Variants in IPP observed in about 807,000 individuals in gnomAD.
IPP encodes the protein intracisternal A particle-promoted polypeptide, also known as actin-binding protein IPP.
A neutral mutation model predicts 64.1 loss-of-function variants in IPP; 41 were observed. That is an observed-to-expected ratio of 0.64 (90% confidence interval 0.50 to 0.83). IPP has a LOEUF of 0.83. IPP is among the 40% of genes least tolerant of loss of function. IPP has a pLI of 0.00. For synonymous variants in IPP, 214 were observed against 235.2 expected (o/e 0.91, Z 0.83); for missense variants, 649 against 703.0 (o/e 0.92, Z 0.87).
At chr1:45,695,869 A>G (rs938414751), downstream of IPP, among the ~76,000 whole-genome samples, 1 of 152,148 alleles carries the variant, frequency 6.6e-6, no homozygotes, top group African/African-American at 2.4e-5. Context: ...GGGTTTCTCC[A>G]TGTTGGTCAG....
At chr1:45,733,691 G>T (rs1645940223) in intron 3 of IPP, among the ~76,000 whole-genome samples, 1 of 151,858 alleles carries the variant, frequency 6.6e-6, no homozygotes, top group South Asian at 2.1e-4. Flanking sequence ...AATTAGTCGG[G>T]TGTGGCGGTG....
rs1645410623 is a variant in IPP, at chr1:45,698,724, T to C, written c.*1242A>G. The C allele has an allele frequency of 5.2e-4, 226 of 436,182 alleles. No individual in the cohort carries two copies. The highest frequency in any genetic ancestry group is 1.3e-3 in the Middle Eastern group (1 of 780). 27.0% of individuals were successfully genotyped at this position (436,182 alleles called of 1,614,324 possible). On this transcript the variant is annotated 3_prime_UTR_variant, in exon 9 of 9. Transcript: ENST00000396478. ...AAGGAAGAATTTTTTTTTCTTTTTTTTTTTTTTTTTTTGAGACAGGTTCTC... is the reference window on the plus strand; with the variant it reads ...AAGGAAGAATTTTTTTTTCTTTTTTCTTTTTTTTTTTTGAGACAGGTTCTC...
chr1:45,727,500 C>CCTT (rs2148569173), intron 5 of IPP, 131 bp downstream of exon 5: 1 of 156,972 alleles, frequency 6.4e-6, no homozygotes, highest in African/African-American at 2.5e-5. Context: ...CTCCTTCCTT[C>CCTT]CTTCCTTCCT....
chr1:45,706,643 G>T (rs1248053784), intron 8 of IPP, among the ~76,000 whole-genome samples: 1 of 152,028 alleles, frequency 6.6e-6, no homozygotes, highest in African/African-American at 2.4e-5. Flanking sequence ...TAGAGACAGG[G>T]TTTCACCATG....
At chr1:45,738,850 A>G (rs796746527) in intron 3 of IPP, among the ~76,000 whole-genome samples, 7 of 139,130 alleles carry the variant, frequency 5.0e-5, no homozygotes, top group African/African-American at 1.9e-4. Flanking sequence ...AAAAAAAAAA[A>G]AAAAAAAAAA....
In IPP at chr1:45,698,724, T is replaced by TTC. The variant is rs1645410741; in HGVS notation, c.*1241_*1242insGA. On this transcript the variant is annotated 3_prime_UTR_variant, in exon 9 of 9. Coordinates refer to ENST00000396478, the MANE Select transcript of IPP (RefSeq NM_005897.3). ...AAGGAAGAATTTTTTTTTCTTTTTT[T>TTC]TTTTTTTTTTTTGAGACAGGTTCTC... The TTC allele has an allele frequency of 2.1e-5, 9 of 436,946 alleles. No individual in the cohort carries two copies. Among genetic ancestry groups the TTC allele is most frequent in the Non-Finnish European group, 2.5e-5 (9 of 363,788 alleles). 27.1% of individuals were successfully genotyped at this position (436,946 alleles called of 1,614,324 possible).
At chr1:45,701,391 G>A (rs1027172468) in intron 8 of IPP, among the ~76,000 whole-genome samples, 1 of 152,038 alleles carries the variant, frequency 6.6e-6, no homozygotes, top group Non-Finnish European at 1.5e-5. Context: ...AGGTTCAAGC[G>A]ATTCTCCTGC....
intron 5 of IPP, among the ~76,000 whole-genome samples, chr1:45,724,174 G>C (rs1427392582): frequency 6.6e-6 from 1 of 152,110 alleles, no homozygotes; most frequent in African/African-American, 2.4e-5. Context: ...GGTGGAGACG[G>C]GGTTTTGCTG....
chr1:45,700,670 T>A (rs183030120), intron 8 of IPP, among the ~76,000 whole-genome samples: 2 of 152,290 alleles, frequency 1.3e-5, no homozygotes, highest in African/African-American at 4.8e-5. Flanking sequence ...GAAGTGGGCA[T>A]GAACAAAGTA....
chr1:45,694,583 T>C (rs1645370750), downstream of IPP: 1 of 847,662 alleles, frequency 1.2e-6, no homozygotes, highest in Admixed American at 2.0e-5. Context: ...TGTCCAAACT[T>C]ATTTCACATG....
rs77889105 is a variant in IPP, at chr1:45,731,008, C to A, written c.725-1239G>T. Among the ~76,000 whole-genome samples the A allele has an allele frequency of 6.2e-3, 948 of 152,348 alleles. 7 individuals carry two copies. Among genetic ancestry groups the A allele is most frequent in the African/African-American group, 0.022 (915 of 41,588 alleles). ...CAAAGTCCACACTAGTGGGATACAT[C>A]TCTGGCTAGGTTAAGTAGACCCAGA... On this transcript the variant is annotated intron_variant, in intron 3 of 8. Coordinates refer to ENST00000396478, the MANE Select transcript of IPP (RefSeq NM_005897.3).
intron 3 of IPP, among the ~76,000 whole-genome samples, chr1:45,740,411 G>A (rs570201213): frequency 2.3e-4 from 35 of 151,908 alleles, no homozygotes; most frequent in Admixed American, 5.9e-4. Context: ...GGGCAGAGGC[G>A]CCCCTCACCT....
chr1:45,745,661 A>C (rs947880498), intron 2 of IPP, among the ~76,000 whole-genome samples: 1 of 151,858 alleles, frequency 6.6e-6, no homozygotes, highest in Non-Finnish European at 1.5e-5. Context: ...GATCGAGACA[A>C]TCCTGGCTAA....
In IPP at chr1:45,729,776, C is replaced by T. The variant is rs1421473372; in HGVS notation, c.725-7G>A. 2.0e-6 allele frequency: 3 copies of T among 1,502,090 alleles called. No individual in the cohort carries two copies. The highest frequency in any genetic ancestry group is 2.7e-6 in the Non-Finnish European group (3 of 1,110,558). The allele number at this position is 1,502,090 out of a possible 1,614,324, so 93.0% of individuals were successfully genotyped here. ...AGATTAAAATCGGATACTCCTAAAA[C>T]AATATTTAAAAAGACAATGTTTTAA... On this transcript the variant is annotated splice_region_variant and splice_polypyrimidine_tract_variant and intron_variant, in intron 3 of 8. Transcript: ENST00000396478.
chr1:45,712,298 T>A (rs1187981159), intron 8 of IPP, among the ~76,000 whole-genome samples: 45 of 131,312 alleles, frequency 3.4e-4, no homozygotes, highest in Admixed American at 3.1e-4. Context: ...AGACGACGTC[T>A]AAAAAAAAAA....
intron 5 of IPP, among the ~76,000 whole-genome samples, chr1:45,719,794 C>G (rs982175694): frequency 6.7e-6 from 1 of 150,050 alleles, no homozygotes; most frequent in Admixed American, 6.6e-5. Context: ...GGCACAATCT[C>G]GGCTCACTGC....
At chr1:45,697,963 A>C (rs1368505365), downstream of IPP, 1 of 151,738 alleles carries the variant, frequency 6.6e-6, no homozygotes, top group African/African-American at 2.4e-5. Flanking sequence ...ATCTAAAAAA[A>C]AAAAAAAGAA....
intron 3 of IPP, among the ~76,000 whole-genome samples, chr1:45,731,581 G>A (rs1035341678): frequency 2.0e-5 from 3 of 152,182 alleles, no homozygotes; most frequent in African/African-American, 7.2e-5. Context: ...TTTGAACAGA[G>A]TTGACATGAA....
rs1292531229 is a variant in IPP, at chr1:45,741,213, T to C, written c.412A>G (p.Asn138Asp). 6.2e-7 allele frequency: 1 copy of C among 1,614,152 alleles called. No homozygotes were observed. The highest frequency in any genetic ancestry group is 2.2e-5 in the East Asian group (1 of 44,880). ...GAGAACTGAAAAATTCCAATGCAGT[T>C]CAGTGGATCAATTTGTCCTTTCAGA... Reference protein sequence around the residue: ...EFLKGQIDPLNCIGIFQFSEQ... With the variant: ...EFLKGQIDPLDCIGIFQFSEQ... Residue 138 changes from asparagine (N) to aspartate (D), a missense_variant, in exon 3 of 9, where the codon AAC becomes GAC. Asn to Asp is a conservative substitution (Grantham distance 23, BLOSUM62 1). Transcript: ENST00000396478.
Sources: allele counts gnomAD v4.1 joint callset (sites outside exome capture counted in the v4.1 genomes callset), GRCh38; gene constraint gnomAD v4.1.1; transcripts MANE v1.5; gene names NCBI Gene and HGNC (gene_info 2026-07-23, HGNC 2026-07-21).